Variants in ELN observed in about 807,000 individuals in gnomAD.
ELN encodes the protein elastin.
Under a neutral mutation model 105.8 loss-of-function variants are expected in ELN, and 65 were observed. The observed-to-expected ratio is 0.61, with a 90% CI of 0.50 to 0.75. The LOEUF (loss-of-function observed/expected upper bound fraction) is 0.75, where lower values mean the gene tolerates loss of function less well. Ranked by LOEUF, ELN falls within the 30% of genes least tolerant of loss-of-function variation. ELN has a pLI of 0.00. For synonymous variants in ELN, 368 were observed against 389.2 expected, an observed-to-expected ratio of 0.95 and a Z score of 0.64; for missense variants, 882 against 969.4, an observed-to-expected ratio of 0.91 and a Z score of 1.20.
At position 74,063,572 on chromosome 7, in the gene ELN, A is replaced by G. The variant is rs1797203710; in HGVS notation, c.1919-49A>G. 19 of 1,613,860 alleles carry G rather than the reference A, an allele frequency of 1.2e-5. No individual in the cohort carries two copies. The highest frequency in any genetic ancestry group is 1.6e-5 in the Non-Finnish European group (19 of 1,179,804). Reference sequence around the variant, plus strand: ...TCCGCCCTCCACAGGCCGAGGCTTCAGTCCCACCTTTCTGACCAGCGGAGT... The same window carrying G: ...TCCGCCCTCCACAGGCCGAGGCTTCGGTCCCACCTTTCTGACCAGCGGAGT... On this transcript the variant is annotated intron_variant, in intron 28 of 32. Coordinates refer to ENST00000252034, the MANE Select transcript of ELN (RefSeq NM_000501.4). The surrounding 1 kb of genome is among the most constrained non-coding windows in gnomAD (Gnocchi z 4.1).
chr7:74,042,962 C>G (rs1554669551), intron 6 of ELN, 22 bp from the exon 7 acceptor site: 1 of 1,614,092 alleles, frequency 6.2e-7, no homozygotes, highest in Non-Finnish European at 8.5e-7. Context: ...TACGCAATGC[C>G]TCACCTGTCC....
At chr7:74,043,429 A>C in intron 8 of ELN, 1 of 706,892 alleles carries the variant, frequency 1.4e-6, no homozygotes, top group Non-Finnish European at 2.5e-6. Context: ...ACAGATGGGG[A>C]AACTGAGGCT....
At chr7:74,036,677 C>G in intron 3 of ELN, 93 bp downstream of exon 3, 1 of 1,564,402 alleles carries the variant, frequency 6.4e-7, no homozygotes, top group Non-Finnish European at 8.8e-7. Context: ...CTGGGAGACC[C>G]GAGCATCAAG....
chr7:74,035,569 C>T, intron 2 of ELN, 155 bp downstream of exon 2: 1 of 903,228 alleles, frequency 1.1e-6, no homozygotes, highest in Non-Finnish European at 1.8e-6. Context: ...CATTGATTTA[C>T]AGCTATTAAG....
At chr7:74,068,579 T>C in intron 32 of ELN, 78 bp from the exon 33 acceptor site, 1 of 1,574,964 alleles carries the variant, frequency 6.3e-7, no homozygotes, top group Non-Finnish European at 8.7e-7. Context: ...TCCATTCGAG[T>C]GGGTCAGAGC....
intron 18 of ELN, 72 bp from the exon 19 acceptor site, chr7:74,054,644 A>G: frequency 6.7e-7 from 1 of 1,487,786 alleles, no homozygotes. Context: ...AGATGGGTAG[A>G]CAGAGGGATA....
Position 74,063,699 on chromosome 7 carries a change from A to G in ELN, c.1993+4A>G, listed in dbSNP as rs781872334. 8.1e-6 allele frequency: 13 copies of G among 1,613,920 alleles called. No individual in the cohort carries two copies. The South Asian group carries it at 8.8e-5, about 11-fold the overall frequency. ...CCAGGTGTTGGGGGCCTTGGAGGTG[A>G]GAGTTGTTCTGAAATCAGTGAGTGT... On this transcript the variant is annotated splice_donor_region_variant and intron_variant, in intron 29 of 32. Transcript: ENST00000252034. This position sits in a 1 kb window ranked among gnomAD's most constrained non-coding sequence, Gnocchi z 4.1.
In ELN at chr7:74,066,721, C is replaced by G; in HGVS notation, c.2087-11C>G. On this transcript the variant is annotated splice_polypyrimidine_tract_variant and intron_variant, in intron 31 of 32. Transcript: ENST00000252034. ...CCCTACCAACCCACCAACCTGAAAT[C>G]TCTCCTGCAGGAGTGGCAGCAAGAC... 4 of 1,613,960 alleles carry G rather than the reference C, an allele frequency of 2.5e-6. No homozygotes were observed. Among genetic ancestry groups the G allele is most frequent in the Non-Finnish European group, 3.4e-6 (4 of 1,179,860 alleles).
At chr7:74,047,888 G>T (rs559995225) in intron 13 of ELN, among the ~76,000 whole-genome samples, 172 bp downstream of exon 13, 1 of 152,284 alleles carries the variant, frequency 6.6e-6, no homozygotes, top group East Asian at 1.9e-4. Context: ...CTCAGCATGG[G>T]TCTCCATCCC....
intron 5 of ELN, among the ~76,000 whole-genome samples, chr7:74,042,146 G>A (rs1478314828): frequency 4.6e-5 from 7 of 151,826 alleles, no homozygotes; most frequent in South Asian, 2.1e-4. Flanking sequence ...GTACTTAGGC[G>A]CGGTGGCTCA....
At chr7:74,033,595 C>A (rs892956795) in intron 1 of ELN, among the ~76,000 whole-genome samples, 14 of 152,212 alleles carry the variant, frequency 9.2e-5, no homozygotes, top group Admixed American at 2.0e-4. Context: ...GAGCCACAAG[C>A]CCTGGGAGGG....
chr7:74,036,521 G>A (rs782672996), intron 2 of ELN, 34 bp from the exon 3 acceptor site: 25 of 1,613,300 alleles, frequency 1.5e-5, no homozygotes, highest in Middle Eastern at 1.6e-4. Context: ...CAGAAGTACC[G>A]ATGATCTCTC....
At chr7:74,049,675 TC>T (rs1295371136) in intron 15 of ELN, among the ~76,000 whole-genome samples, 3 of 150,472 alleles carry the variant, frequency 2.0e-5, no homozygotes, top group Non-Finnish European at 4.4e-5. Context: ...CATCCATTCC[TC>T]CATGCATTCA....
Position 74,069,674 on chromosome 7 carries a change from C to T in ELN, c.*974C>T, listed in dbSNP as rs2132859663. 1 of 232,528 alleles carries T rather than the reference C, an allele frequency of 4.3e-6. No homozygotes were observed. The highest frequency in any genetic ancestry group is 6.1e-5 in the East Asian group (1 of 16,502). The allele number at this position is 232,528 out of a possible 1,614,324, so 14.4% of individuals were successfully genotyped here. On this transcript the variant is annotated 3_prime_UTR_variant, in exon 33 of 33. Coordinates refer to ENST00000252034, the MANE Select transcript of ELN (RefSeq NM_000501.4). ...ATCAATAAATATTTTATTTTTTGTC[C>T]TGGATATTTGGGGATTATTTTTGAT...
At chr7:74,044,324 C>T (rs958039915) in intron 9 of ELN, among the ~76,000 whole-genome samples, 2 of 152,078 alleles carry the variant, frequency 1.3e-5, no homozygotes, top group Non-Finnish European at 2.9e-5. Context: ...AAAGCAGAGG[C>T]CACCAGAAGC....
At chr7:74,052,332 G>T in intron 17 of ELN, 2 of 336,394 alleles carry the variant, frequency 5.9e-6, no homozygotes, top group South Asian at 3.3e-5. Context: ...TATGCACAGT[G>T]GCTCACGCCT....
chr7:74,040,397 G>A (rs1790922932), intron 4 of ELN, among the ~76,000 whole-genome samples: 1 of 152,218 alleles, frequency 6.6e-6, no homozygotes, highest in African/African-American at 2.4e-5. Flanking sequence ...AGTTTCAGAG[G>A]GGTCCAGCTC....
intron 1 of ELN, among the ~76,000 whole-genome samples, chr7:74,032,028 CA>C (rs1788823214): frequency 6.6e-6 from 1 of 151,996 alleles, no homozygotes; most frequent in Non-Finnish European, 1.5e-5. Flanking sequence ...GCCCTGTCTG[CA>C]GTTAGTGCTG....
In ELN at chr7:74,065,966, C is replaced by A; in HGVS notation, c.2055C>A (p.Val685=). The part of the protein sequence containing the change: ...AKYGAAGLGG[V]LGGAGQFPLG... Reference sequence around the variant, plus strand: ...CAGGTGCTGCTGGCCTTGGAGGTGTCCTAGGGGGTGCCGGGCAGTTCCCAC... The same window carrying A: ...CAGGTGCTGCTGGCCTTGGAGGTGTACTAGGGGGTGCCGGGCAGTTCCCAC... Residue 685 remains valine, a synonymous_variant, in exon 31 of 33, where the codon GTC becomes GTA. Coordinates refer to ENST00000252034, the MANE Select transcript of ELN (RefSeq NM_000501.4). 2 of 1,614,064 alleles carry A rather than the reference C, an allele frequency of 1.2e-6. No individual in the cohort carries two copies. Among genetic ancestry groups the A allele is most frequent in the Non-Finnish European group, 1.7e-6 (2 of 1,179,968 alleles).
Sources: allele counts gnomAD v4.1 joint callset (sites outside exome capture counted in the v4.1 genomes callset), GRCh38; gene constraint gnomAD v4.1.1; non-coding constraint Gnocchi (gnomAD v3.1); transcripts MANE v1.5; gene names NCBI Gene and HGNC (gene_info 2026-07-23, HGNC 2026-07-21).